Variants in SLC48A1 observed in about 807,000 individuals in gnomAD.
SLC48A1 encodes the protein solute carrier family 48 member 1.
A neutral mutation model predicts 14.8 loss-of-function variants in SLC48A1; 6 were observed. That is an observed-to-expected ratio of 0.41 (90% CI 0.22 to 0.80). The LOEUF (loss-of-function observed/expected upper bound fraction) is 0.80, where lower values mean the gene tolerates loss of function less well. Among genes scored for constraint, SLC48A1 ranks in the 30% least tolerant of loss-of-function variants. The pLI, the probability that SLC48A1 is intolerant of heterozygous loss-of-function variation, is 0.34. For missense variants in SLC48A1, 165 were observed against 204.8 expected, an observed-to-expected ratio of 0.81 and a Z score of 1.19; for synonymous variants, 89 against 90.0, an observed-to-expected ratio of 0.99 and a Z score of 0.06.
At chr12:47,773,960 C>T (rs1251310948) in intron 1 of SLC48A1, among the ~76,000 whole-genome samples, 2 of 152,392 alleles carry the variant, frequency 1.3e-5, no homozygotes, top group Non-Finnish European at 2.9e-5. Flanking sequence ...GCCCATCTCC[C>T]TCCTTCCAGA....
chr12:47,756,659 A>G (rs1468050906), upstream of SLC48A1, among the ~76,000 whole-genome samples: 1 of 152,190 alleles, frequency 6.6e-6, no homozygotes, highest in East Asian at 1.9e-4. Flanking sequence ...ATTCCACTCA[A>G]AAGGACTTGC....
upstream of SLC48A1, chr12:47,771,013 TCA>T (rs1942618971): frequency 1.6e-5 from 7 of 440,586 alleles, no homozygotes; most frequent in South Asian, 1.1e-4. Context: ...GGACCAGCAC[TCA>T]CTCTCCACCG....
chr12:47,778,078 G>A (rs1453036585), intron 1 of SLC48A1, among the ~76,000 whole-genome samples: 2 of 152,304 alleles, frequency 1.3e-5, no homozygotes, highest in Non-Finnish European at 2.9e-5. Context: ...TCCCTTGCCG[G>A]GATCCACCGC....
chr12:47,770,609 A>C (rs1942608900), upstream of SLC48A1, among the ~76,000 whole-genome samples: 1 of 152,228 alleles, frequency 6.6e-6, no homozygotes, highest in African/African-American at 2.4e-5. Flanking sequence ...TGGTAATTAA[A>C]GCACTGTGGG....
intron 2 of SLC48A1, among the ~76,000 whole-genome samples, chr12:47,764,472 T>C (rs1174391994): frequency 6.6e-6 from 1 of 152,088 alleles, no homozygotes; most frequent in Non-Finnish European, 1.5e-5. Flanking sequence ...TGTTTCAGAG[T>C]CTTGGTAGGG....
intron 1 of SLC48A1, 79 bp downstream of exon 1, chr12:47,773,519 C>A: frequency 8.1e-7 from 1 of 1,240,376 alleles, no homozygotes; most frequent in Non-Finnish European, 1.0e-6. Context: ...GGACGCTCCC[C>A]GCGAGCGGCG....
upstream of SLC48A1, among the ~76,000 whole-genome samples, chr12:47,754,885 TAACTCCCCTGGCACC>T (rs1383314672): frequency 1.3e-5 from 2 of 152,206 alleles, no homozygotes; most frequent in African/African-American, 2.4e-5. Flanking sequence ...GAGGAGGCAC[TAACTCCCCTGGCACC>T]AGCACTGTGG....
At chr12:47,758,256 G>A (rs1417036200), upstream of SLC48A1, 24 of 1,432,820 alleles carry the variant, frequency 1.7e-5, no homozygotes, top group Admixed American at 6.5e-4. Flanking sequence ...GGGGCCTGCC[G>A]GTCTGGCGCA....
At chr12:47,774,798 G>C (rs905189497) in intron 1 of SLC48A1, among the ~76,000 whole-genome samples, 5 of 152,096 alleles carry the variant, frequency 3.3e-5, no homozygotes, top group African/African-American at 1.2e-4. Flanking sequence ...GTGGGATCCT[G>C]AGGACAACTG....
chr12:47,767,299 T>C (rs892751503), upstream of SLC48A1, among the ~76,000 whole-genome samples: 1 of 152,154 alleles, frequency 6.6e-6, no homozygotes, highest in Non-Finnish European at 1.5e-5. Flanking sequence ...CAAAGCTGTC[T>C]GTTCAGGCAC....
chr12:47,755,113 C>T (rs1177242361), upstream of SLC48A1, among the ~76,000 whole-genome samples: 2 of 152,148 alleles, frequency 1.3e-5, no homozygotes, highest in East Asian at 3.8e-4. Flanking sequence ...CTGTTCGTAG[C>T]AAGAGAGAAG....
At chr12:47,763,764 G>A (rs545167598) in intron 2 of SLC48A1, among the ~76,000 whole-genome samples, 3 of 152,312 alleles carry the variant, frequency 2.0e-5, no homozygotes, top group Non-Finnish European at 2.9e-5. Context: ...GGGAGAGGAG[G>A]GATGGGCTCC....
intron 2 of SLC48A1, among the ~76,000 whole-genome samples, chr12:47,779,539 A>G (rs575606373): frequency 1.1e-4 from 16 of 152,344 alleles, no homozygotes; most frequent in Admixed American, 3.3e-4. Context: ...TCTGATGCTA[A>G]CTAAAGCAGG....
At chr12:47,770,683 T>C (rs183050656), upstream of SLC48A1, among the ~76,000 whole-genome samples, 88 of 152,352 alleles carry the variant, frequency 5.8e-4, no homozygotes, top group African/African-American at 1.9e-3. Flanking sequence ...CTTCACTCTA[T>C]TACTCTGGCC....
At chr12:47,773,207 T>A (rs1942663925), upstream of SLC48A1, 3 of 1,044,948 alleles carry the variant, frequency 2.9e-6, no homozygotes, top group South Asian at 1.3e-4. Context: ...GGGCGCCGGC[T>A]GCTCTGGCGG....
upstream of SLC48A1, among the ~76,000 whole-genome samples, chr12:47,767,214 A>G (rs908334474): frequency 6.6e-6 from 1 of 152,004 alleles, no homozygotes; most frequent in Non-Finnish European, 1.5e-5. Flanking sequence ...GAGGGGCGGC[A>G]AGGGGACCAC....
chr12:47,778,839 T>G (rs1038854650), intron 1 of SLC48A1, 189 bp from the exon 2 acceptor site: 1 of 518,020 alleles, frequency 1.9e-6, no homozygotes, highest in African/African-American at 1.9e-5. Context: ...AATGTTGGGC[T>G]TACTAGCAGG....
chr12:47,758,264 G>A (rs538967820), upstream of SLC48A1: 47 of 1,431,164 alleles, frequency 3.3e-5, no homozygotes, highest in Admixed American at 6.0e-4. Context: ...CCGGTCTGGC[G>A]CACTTAGGGG....
intron 1 of SLC48A1, chr12:47,758,732 C>T (rs542271485): frequency 7.0e-6 from 8 of 1,146,980 alleles, no homozygotes; most frequent in Non-Finnish European, 8.7e-6. Context: ...ATGCAGGGCT[C>T]GGTGGAGAGG....
Sources: gnomAD v4.1 joint callset for allele counts (sites outside exome capture counted in the v4.1 genomes callset) on GRCh38, gnomAD v4.1.1 for gene constraint, MANE v1.5 for transcripts, NCBI Gene and HGNC (gene_info 2026-07-23, HGNC 2026-07-21) for gene names.